Variants in PIGB observed in about 807,000 individuals in gnomAD.
PIGB encodes the protein phosphatidylinositol glycan anchor biosynthesis class B, also known as GPI alpha-1,2-mannosyltransferase 3.
A neutral mutation model predicts 68.4 loss-of-function variants in PIGB; 58 were observed. That is an observed-to-expected ratio of 0.85 (90% confidence interval 0.69 to 1.06). PIGB has a LOEUF of 1.06. PIGB is among the 50% of genes least tolerant of loss of function. The probability of loss-of-function intolerance (pLI) is 0.00; values close to 1 mark genes in which losing one functional copy is unlikely to be tolerated. For synonymous variants in PIGB, 219 were observed against 220.5 expected (o/e 0.99, Z 0.06); for missense variants, 634 against 655.8 (o/e 0.97, Z 0.36).
intron 10 of PIGB, among the ~76,000 whole-genome samples, chr15:55,354,402 A>G (rs2056019573): frequency 6.6e-6 from 1 of 151,988 alleles, no homozygotes; most frequent in Admixed American, 6.6e-5. Context: ...TTATGATCAC[A>G]GTTTCCTACT....
chr15:55,337,329 G>A (rs1430261881), intron 6 of PIGB, among the ~76,000 whole-genome samples: 4 of 152,162 alleles, frequency 2.6e-5, no homozygotes, highest in African/African-American at 4.8e-5. Flanking sequence ...TAGGGCAGGG[G>A]TCACCAGTCC....
At chr15:55,341,410 G>A (rs1270150598) in intron 8 of PIGB, among the ~76,000 whole-genome samples, 1 of 152,132 alleles carries the variant, frequency 6.6e-6, no homozygotes, top group African/African-American at 2.4e-5. Context: ...AAGGACCACA[G>A]AAATACATTC....
chr15:55,342,929 T>TA (rs780773569), intron 9 of PIGB, among the ~76,000 whole-genome samples: 1 of 151,740 alleles, frequency 6.6e-6, no homozygotes, highest in Non-Finnish European at 1.5e-5. Flanking sequence ...ATTAAGACCT[T>TA]AAAAAAAATC....
chr15:55,355,103 C>A lies in PIGB; in HGVS notation c.1518+125C>A. 5.3e-6 allele frequency: 5 copies of A among 942,526 alleles called. No individual in the cohort carries two copies. In the South Asian group the frequency reaches 8.0e-5, roughly 15 times the overall value. The allele number at this position is 942,526 out of a possible 1,614,324, so 58.4% of individuals were successfully genotyped here. On this transcript the variant is annotated intron_variant, in intron 11 of 11. Transcript: ENST00000164305. The stretch of plus-strand genomic sequence containing the variant: ...TTTCAACCCACATTTCATAATTAGT[C>A]TTTTCTCCAGTCAAAATTAGCCCCA...
intron 6 of PIGB, among the ~76,000 whole-genome samples, chr15:55,336,053 C>T (rs1351452678): frequency 6.6e-6 from 1 of 152,066 alleles, no homozygotes; most frequent in African/African-American, 2.4e-5. Flanking sequence ...AAAGATATAA[C>T]AATACAGATG....
At chr15:55,349,556 A>T (rs956985137) in intron 9 of PIGB, 1 of 152,192 alleles carries the variant, frequency 6.6e-6, no homozygotes, top group African/African-American at 2.4e-5. Context: ...TAATCTTGCT[A>T]CATTTTTCAC....
chr15:55,340,571 C>A, intron 7 of PIGB, 41 bp from the exon 8 acceptor site: 1 of 1,338,358 alleles, frequency 7.5e-7, no homozygotes, highest in African/African-American at 1.4e-5. Flanking sequence ...TACTACTTGG[C>A]ACTAACACAT....
At chr15:55,337,685 G>A in intron 6 of PIGB, among the ~76,000 whole-genome samples, 1 of 152,118 alleles carries the variant, frequency 6.6e-6, no homozygotes, top group Non-Finnish European at 1.5e-5. Context: ...CTAGGTATAT[G>A]TCTAACAGAA....
In PIGB at chr15:55,327,642, C is replaced by T. The variant is rs1193473392; in HGVS notation, c.522+7C>T. 6.5e-7 allele frequency: 1 copy of T among 1,530,314 alleles called. No individual in the cohort carries two copies. The highest frequency in any genetic ancestry group is 9.0e-7 in the Non-Finnish European group (1 of 1,106,666). The allele number at this position is 1,530,314 out of a possible 1,614,324, so 94.8% of individuals were successfully genotyped here. ...GGAAGTGGCAAGATGGGTGGTAAGT[C>T]CTAAATACTTTAGAAGCTGTATGCC... On this transcript the variant is annotated splice_region_variant and intron_variant, in intron 4 of 11. Coordinates refer to ENST00000164305, the MANE Select transcript of PIGB (RefSeq NM_004855.5).
Position 55,320,280 on chromosome 15 carries a change from C to A in PIGB, c.169C>A (p.Leu57Ile). 6.2e-7 allele frequency: 1 copy of A among 1,611,408 alleles called. No homozygotes were observed. The highest frequency in any genetic ancestry group is 2.2e-5 in the East Asian group (1 of 44,856). ...TGTTTTGTTCTGTTTTTCAGATCTT[C>A]TTGGAGAAAATATTTATCTGCTCTT... ...EKSARRRGDL[L>I]GENIYLLLFT... Residue 57 changes from leucine to isoleucine, a missense_variant, in exon 2 of 12, where the codon CTT (leucine) becomes ATT (isoleucine). Leu to Ile is a conservative substitution (Grantham distance 5). Coordinates refer to ENST00000164305, the MANE Select transcript of PIGB (RefSeq NM_004855.5).
At chr15:55,329,545 A>C (rs2055366822) in intron 4 of PIGB, among the ~76,000 whole-genome samples, 179 bp from the exon 5 acceptor site, 1 of 152,216 alleles carries the variant, frequency 6.6e-6, no homozygotes, top group Non-Finnish European at 1.5e-5. Flanking sequence ...TATTATCATA[A>C]ACCTGTGTTT....
rs2055136245 is a variant in PIGB, at chr15:55,320,411, A to G, written c.299+1A>G. 1 of 1,612,470 alleles carries G rather than the reference A, an allele frequency of 6.2e-7. No individual in the cohort carries two copies. The highest frequency in any genetic ancestry group is 1.3e-5 in the African/African-American group (1 of 74,786). ...AAGTTTCACATCACATGGTTTTCAA[A>G]TATCCTTTGTGGTTTCTTTTCCAGA... On this transcript the variant is annotated splice_donor_variant, in intron 2 of 11. Transcript: ENST00000164305. LOFTEE classifies it high-confidence loss of function.
At chr15:55,341,668 A>G (rs1439914088) in intron 8 of PIGB, 70 bp from the exon 9 acceptor site, 3 of 528,940 alleles carry the variant, frequency 5.7e-6, no homozygotes, top group Non-Finnish European at 9.3e-6. Flanking sequence ...TATATTAAAT[A>G]TATTACTTTC....
chr15:55,320,251 T>G lies in PIGB; in HGVS notation c.164-24T>G, dbSNP rs1280053034. 1.9e-6 allele frequency: 3 copies of G among 1,606,116 alleles called. No individual in the cohort carries two copies. The East Asian group carries it at 6.7e-5, about 36-fold the overall frequency. ...AACTGCCTGACTTTTGTGCCACTAT[T>G]ACCTGTTTTGTTCTGTTTTTCAGAT... On this transcript the variant is annotated intron_variant, in intron 1 of 11. Coordinates refer to ENST00000164305, the MANE Select transcript of PIGB (RefSeq NM_004855.5).
intron 2 of PIGB, among the ~76,000 whole-genome samples, chr15:55,320,990 C>T (rs897855971): frequency 6.6e-6 from 1 of 152,186 alleles, no homozygotes; most frequent in African/African-American, 2.4e-5. Flanking sequence ...AAACACATTA[C>T]TGCCTTGAAG....
At chr15:55,330,692 A>C (rs2055394108) in intron 5 of PIGB, among the ~76,000 whole-genome samples, 2 of 152,340 alleles carry the variant, frequency 1.3e-5, no homozygotes, top group South Asian at 4.1e-4. Flanking sequence ...AGCATGACAT[A>C]ATCAAATCTG....
intron 6 of PIGB, among the ~76,000 whole-genome samples, chr15:55,337,007 T>C (rs1222168382): frequency 6.6e-6 from 1 of 151,884 alleles, no homozygotes; most frequent in Non-Finnish European, 1.5e-5. Context: ...AAACCTTACA[T>C]CCAGATTATA....
At position 55,350,871 on chromosome 15, in the gene PIGB, A is replaced by T; in HGVS notation, c.1296A>T (p.Ser432=). The change falls in exon 10 of 12, where the codon TCA becomes TCT. Residue 432 remains serine, a synonymous_variant. Transcript: ENST00000164305. ...CYNNPNKSSA[S]IFIMMPCHST... Reference sequence around the variant, plus strand: ...ACAATCCCAATAAATCTTCAGCTTCAATATTTATAATGATGCCTTGCCACT... The same window carrying T: ...ACAATCCCAATAAATCTTCAGCTTCTATATTTATAATGATGCCTTGCCACT... 1 of 1,605,550 alleles carries T rather than the reference A, an allele frequency of 6.2e-7. No homozygotes were observed. Among genetic ancestry groups the T allele is most frequent in the Non-Finnish European group, 8.5e-7 (1 of 1,172,584 alleles).
intron 5 of PIGB, among the ~76,000 whole-genome samples, chr15:55,331,770 C>T (rs1444221555): frequency 6.6e-6 from 1 of 151,950 alleles, no homozygotes; most frequent in Non-Finnish European, 1.5e-5. Flanking sequence ...GTGTTCAACT[C>T]CGGGATCAAG....
Sources: gnomAD v4.1 joint callset for allele counts (sites outside exome capture counted in the v4.1 genomes callset) on GRCh38, gnomAD v4.1.1 for gene constraint, MANE v1.5 for transcripts, NCBI Gene and HGNC (gene_info 2026-07-23, HGNC 2026-07-21) for gene names.